Variants in PPP4R1 observed in about 807,000 individuals in gnomAD.
The protein encoded by PPP4R1 is protein phosphatase 4 regulatory subunit 1, also known as serine/threonine-protein phosphatase 4 regulatory subunit 1.
PPP4R1 carries 42 observed loss-of-function variants against 111.2 expected under a neutral mutation model. That is an observed-to-expected ratio of 0.38 (90% CI 0.29 to 0.49). The LOEUF (loss-of-function observed/expected upper bound fraction) is 0.49. PPP4R1 is among the 20% of genes least tolerant of loss of function. The pLI is 0.97. For missense variants in PPP4R1, 1,012 were observed against 1,161.6 expected, an observed-to-expected ratio of 0.87 and a Z score of 1.87; for synonymous variants, 409 against 405.5, an observed-to-expected ratio of 1.01 and a Z score of -0.10.
rs1490836037 is a variant in PPP4R1 at position 9,550,319 on chromosome 18, C to T, written c.2371G>A (p.Ala791Thr). The T allele has an allele frequency of 1.2e-6, 2 of 1,613,864 alleles. No homozygotes were observed. The highest frequency in any genetic ancestry group is 2.7e-5 in the African/African-American group (2 of 74,896). ...YLRPIALNLC[A>T]DKVSSVRWIS... ...CAACGAACAGAAGAAACTTTGTCTGCACACAGATTCAGAGCAATGGGACGT... is the reference window on the plus strand; with the variant it reads ...CAACGAACAGAAGAAACTTTGTCTGTACACAGATTCAGAGCAATGGGACGT... The change falls in exon 17 of 20, where the codon GCA becomes ACA. Residue 791 changes from alanine to threonine, a missense_variant. Around this residue, in one of 2 missense-constraint regions of PPP4R1, gnomAD observed 305 missense variants for 419.5 expected, o/e 0.73. Coordinates refer to ENST00000400556, the MANE Select transcript of PPP4R1 (RefSeq NM_001042388.3).
Position 9,593,861 on chromosome 18 carries a change from G to C in PPP4R1, c.202C>G (p.Arg68Gly). 6.2e-7 allele frequency: 1 copy of C among 1,613,402 alleles called. No individual in the cohort carries two copies. Among genetic ancestry groups the C allele is most frequent in the Non-Finnish European group, 8.5e-7 (1 of 1,179,780 alleles). Residue 68 changes from arginine to glycine, a missense_variant, in exon 4 of 20, where the codon CGG becomes GGG. By Grantham distance (125) the Arg-to-Gly change is moderately radical. Transcript: ENST00000400556. Reference protein sequence around the residue: ...ENIFNRQMVARSLLDTLREVC... With the variant: ...ENIFNRQMVAGSLLDTLREVC... The stretch of plus-strand genomic sequence containing the variant: ...TCCCTCAAGGTATCGAGCAAACTCC[G>C]GGCCACCATTTGTCTACACAAAAAA...
intron 13 of PPP4R1, 93 bp downstream of exon 13, chr18:9,561,887 C>A: frequency 1.0e-6 from 1 of 956,114 alleles, no homozygotes; most frequent in Non-Finnish European, 1.7e-6. Flanking sequence ...TTAGAACACT[C>A]ATCATAAAGA....
upstream of PPP4R1, chr18:9,614,885 CCCGG>C (rs2067666872): frequency 6.6e-6 from 1 of 150,582 alleles, no homozygotes; most frequent in Non-Finnish European, 1.5e-5. The surrounding 1 kb of genome is among the most constrained non-coding windows in gnomAD (Gnocchi z 4.1). Flanking sequence ...AGTGCCGGAA[CCCGG>C]CCGGGCGGGG....
At chr18:9,578,495 TC>T (rs1170380233) in intron 9 of PPP4R1, among the ~76,000 whole-genome samples, 1 of 150,680 alleles carries the variant, frequency 6.6e-6, no homozygotes, top group African/African-American at 2.4e-5. Context: ...CACCTCCTCC[TC>T]CCAAAGTGTT....
At chr18:9,584,476 AAC>A (rs2067082493) in intron 8 of PPP4R1, 37 bp downstream of exon 8, 1 of 1,560,160 alleles carries the variant, frequency 6.4e-7, no homozygotes, top group South Asian at 1.2e-5. Context: ...ACTACTTTGT[AAC>A]ACACACTGTT....
At chr18:9,600,806 G>A (rs536106644) in intron 2 of PPP4R1, among the ~76,000 whole-genome samples, 41 of 152,222 alleles carry the variant, frequency 2.7e-4, no homozygotes, top group African/African-American at 7.9e-4. Context: ...ACTTGAGTAC[G>A]GGAGGCAGAC....
chr18:9,559,131 A>C (rs1380670071), intron 14 of PPP4R1, among the ~76,000 whole-genome samples: 1 of 152,236 alleles, frequency 6.6e-6, no homozygotes, highest in Non-Finnish European at 1.5e-5. Flanking sequence ...GGAACAATTA[A>C]TTTACATATA....
rs760333557 is a variant in PPP4R1 at position 9,595,057 on chromosome 18, C to T, written c.149G>A (p.Arg50Lys). Residue 50 changes from arginine to lysine, a missense_variant, in exon 3 of 20, where the codon AGA (arginine) becomes AAA (lysine). By Grantham distance (26) the Arg-to-Lys change is conservative. This residue lies in a region of PPP4R1 where 707 missense variants were observed against 742.1 expected (regional missense o/e 0.95). Coordinates refer to ENST00000400556, the MANE Select transcript of PPP4R1 (RefSeq NM_001042388.3). ...CTCACTTGCAGCATACTTGTCCAAT[C>T]TCCCCAGGGGCGTCAACATTTCATC... is the stretch of plus-strand genomic sequence containing the variant. ...SQDEMLTPLG[R>K]LDKYAASENI... 4 of 1,613,908 alleles carry T rather than the reference C, an allele frequency of 2.5e-6. No homozygotes were observed. Among genetic ancestry groups the T allele is most frequent in the Non-Finnish European group, 3.4e-6 (4 of 1,179,974 alleles).
chr18:9,567,686 C>A (rs930722552), intron 11 of PPP4R1, among the ~76,000 whole-genome samples: 3 of 152,228 alleles, frequency 2.0e-5, no homozygotes, highest in Admixed American at 1.3e-4. Flanking sequence ...TTTGAGAAGA[C>A]TGACTCTAAT....
chr18:9,557,082 T>C lies in PPP4R1; in HGVS notation c.2190+139A>G, dbSNP rs554312917. On this transcript the variant is annotated intron_variant, in intron 15 of 19. Transcript: ENST00000400556. Reference sequence around the variant, plus strand: ...ATTATGGGACCATTTCTTTTTTAAGTTGCATCTTAACATCAACTTATGGCT... The same window carrying C: ...ATTATGGGACCATTTCTTTTTTAAGCTGCATCTTAACATCAACTTATGGCT... 1.4e-5 allele frequency: 10 copies of C among 729,424 alleles called. No individual in the cohort carries two copies. The African/African-American group carries it at 1.5e-4, about 11-fold the overall frequency. The allele number at this position is 729,424 out of a possible 1,614,324, so 45.2% of individuals were successfully genotyped here.
In PPP4R1 at chr18:9,614,218, C is replaced by A; in HGVS notation, c.52+8G>T. The A allele has an allele frequency of 7.3e-7, 1 of 1,363,590 alleles. No homozygotes were observed. The highest frequency in any genetic ancestry group is 9.6e-7 in the Non-Finnish European group (1 of 1,045,494). The allele number at this position is 1,363,590 out of a possible 1,614,324, so 84.5% of individuals were successfully genotyped here. ...ACTGCCAGGCCACCGCGAGGCCGGGCCACTCACATCCGTCTGCGTCCTCCT... is the reference window on the plus strand; with the variant it reads ...ACTGCCAGGCCACCGCGAGGCCGGGACACTCACATCCGTCTGCGTCCTCCT... On this transcript the variant is annotated splice_region_variant and intron_variant, in intron 2 of 19. Coordinates refer to ENST00000400556, the MANE Select transcript of PPP4R1 (RefSeq NM_001042388.3). The surrounding 1 kb of genome is among the most constrained non-coding windows in gnomAD (Gnocchi z 4.1).
At chr18:9,556,014 G>A (rs1278116904) in intron 15 of PPP4R1, among the ~76,000 whole-genome samples, 8 of 113,118 alleles carry the variant, frequency 7.1e-5, no homozygotes, top group Non-Finnish European at 1.4e-4. Context: ...ACACAAAATC[G>A]GCCGGGCTTA....
chr18:9,590,496 A>C (rs1211942338), intron 4 of PPP4R1, among the ~76,000 whole-genome samples: 2 of 152,218 alleles, frequency 1.3e-5, no homozygotes, highest in Non-Finnish European at 2.9e-5. Flanking sequence ...AGGAGGACAC[A>C]AGTTATGGTT....
At chr18:9,572,164 T>C (rs962704508) in intron 10 of PPP4R1, among the ~76,000 whole-genome samples, 1 of 152,180 alleles carries the variant, frequency 6.6e-6, no homozygotes, top group African/African-American at 2.4e-5. Flanking sequence ...CGTTGGGTTC[T>C]AGGTGGTGAT....
intron 12 of PPP4R1, among the ~76,000 whole-genome samples, chr18:9,562,730 C>T (rs967392281): frequency 3.3e-5 from 5 of 152,198 alleles, no homozygotes; most frequent in African/African-American, 1.2e-4. Context: ...CTCATTCAAG[C>T]CACTATGATC....
At position 9,550,195 on chromosome 18, in the gene PPP4R1, G is replaced by T. The variant is rs748365346; in HGVS notation, c.2413-9C>A. The T allele has an allele frequency of 6.2e-7, 1 of 1,614,200 alleles. No homozygotes were observed. Among genetic ancestry groups the T allele is most frequent in the South Asian group, 1.1e-5 (1 of 91,088 alleles). On this transcript the variant is annotated splice_polypyrimidine_tract_variant and intron_variant, in intron 17 of 19. Transcript: ENST00000400556. The stretch of plus-strand genomic sequence containing the variant: ...TTCACCATCTCGCTGACCTGGGAGG[G>T]TGAGCATGGAGAAATGAGGAACAGC...
intron 11 of PPP4R1, among the ~76,000 whole-genome samples, chr18:9,568,021 T>C (rs1207403554): frequency 3.9e-5 from 6 of 152,192 alleles, no homozygotes; most frequent in African/African-American, 1.4e-4. Context: ...TACAGTATAG[T>C]ATAAACACAA....
At chr18:9,596,841 A>G (rs1233182062) in intron 2 of PPP4R1, among the ~76,000 whole-genome samples, 7 of 152,242 alleles carry the variant, frequency 4.6e-5, no homozygotes, top group Non-Finnish European at 7.3e-5. Context: ...AAAAGAGAAC[A>G]CAACAGTTCC....
At chr18:9,604,498 T>C (rs549617845) in intron 2 of PPP4R1, among the ~76,000 whole-genome samples, 6 of 152,320 alleles carry the variant, frequency 3.9e-5, no homozygotes, top group South Asian at 2.1e-4. Flanking sequence ...ACACAGCCCA[T>C]GTGGAGTCAA....
Sources: gnomAD v4.1 joint callset for allele counts (sites outside exome capture counted in the v4.1 genomes callset) on GRCh38, gnomAD v4.1.1 for gene constraint, gnomAD v4.1.1 regional missense constraint, Gnocchi (gnomAD v3.1) non-coding constraint, MANE v1.5 for transcripts, NCBI Gene and HGNC (gene_info 2026-07-23, HGNC 2026-07-21) for gene names.